Variants in TEX2 observed in about 807,000 individuals in gnomAD.
TEX2 encodes testis expressed 2.
A neutral mutation model predicts 106.9 loss-of-function variants in TEX2; 53 were observed. The observed-to-expected ratio is 0.50, with a 90% CI of 0.40 to 0.62. The LOEUF (loss-of-function observed/expected upper bound fraction) is 0.62. Among genes scored for constraint, TEX2 ranks in the 20% least tolerant of loss-of-function variants. TEX2 has a pLI of 0.00. For missense variants in TEX2, 1,207 were observed against 1,379.0 expected (o/e 0.88, Z 1.98); for synonymous variants, 523 against 534.8 (o/e 0.98, Z 0.30).
intron 5 of TEX2, 91 bp downstream of exon 5, chr17:64,188,077 G>C (rs1263963287): frequency 6.9e-7 from 1 of 1,446,266 alleles, no homozygotes; most frequent in Non-Finnish European, 9.4e-7. Flanking sequence ...TGTTATCCCA[G>C]TGCCCACAAC....
intron 1 of TEX2, among the ~76,000 whole-genome samples, chr17:64,233,620 A>G (rs934979557): frequency 2.0e-5 from 3 of 152,086 alleles, no homozygotes; most frequent in African/African-American, 7.2e-5. Flanking sequence ...AGAAAGAGAC[A>G]ATGGAATCAC....
intron 2 of TEX2, among the ~76,000 whole-genome samples, chr17:64,201,079 C>A (rs537577829): frequency 1.3e-5 from 2 of 152,188 alleles, no homozygotes; most frequent in Non-Finnish European, 2.9e-5. Flanking sequence ...CTACACTGAT[C>A]GTATCCAATT....
At chr17:64,194,780 A>G (rs1030455350) in intron 3 of TEX2, 115 bp downstream of exon 3, 6 of 905,740 alleles carry the variant, frequency 6.6e-6, no homozygotes, top group Non-Finnish European at 1.1e-5. Flanking sequence ...CCCCTAAGGT[A>G]TACTGTTCAA....
intron 6 of TEX2, among the ~76,000 whole-genome samples, chr17:64,173,008 G>A (rs540491917): frequency 6.1e-4 from 93 of 152,252 alleles, no homozygotes; most frequent in Non-Finnish European, 1.0e-3. Context: ...TAATTTTAAT[G>A]TAAGATGTAA....
rs2032162835 is a variant in TEX2 at position 64,188,387 on chromosome 17, G to A, written c.2205C>T (p.Asn735=). 1 of 1,614,218 alleles carries A rather than the reference G, an allele frequency of 6.2e-7. No homozygotes were observed. The highest frequency in any genetic ancestry group is 8.5e-7 in the Non-Finnish European group (1 of 1,180,034). Residue 735 remains asparagine (N), a synonymous_variant, in exon 5 of 12, where the codon AAC becomes AAT. Transcript: ENST00000584379. ...TGTGGGTCAGGTGCCCGGACGGACT[G>A]TTGTGTCTGCTGTGTGCAGGCAAAA... is the stretch of plus-strand genomic sequence containing the variant. The part of the protein sequence containing the change: ...PGLLPAHSRH[N]SPSGHLTHSR...
rs1360482032 is a variant in TEX2 at position 64,171,073 on chromosome 17, C to T, written c.2671+27G>A. 2.5e-6 allele frequency: 4 copies of T among 1,573,954 alleles called. No individual in the cohort carries two copies. In the African/African-American group the frequency reaches 5.4e-5, roughly 21 times the overall value. ...CTGCAGCAAAGGATATATTTTAACA[C>T]TCATAGAATGGTCAGTTAGGAGTTA... On this transcript the variant is annotated intron_variant, in intron 7 of 11. Coordinates refer to ENST00000584379, the MANE Select transcript of TEX2 (RefSeq NM_001288732.2).
chr17:64,239,758 C>G (rs2033845925), intron 1 of TEX2, among the ~76,000 whole-genome samples: 1 of 151,292 alleles, frequency 6.6e-6, no homozygotes, highest in Admixed American at 6.6e-5. Flanking sequence ...CACCTGTAAT[C>G]CCTGCTACTC....
chr17:64,154,765 A>C, intron 9 of TEX2, 77 bp downstream of exon 9: 2 of 1,416,170 alleles, frequency 1.4e-6, no homozygotes, highest in Non-Finnish European at 9.3e-7. Context: ...AGAGGAAGGA[A>C]GGGAAACAAG....
intron 1 of TEX2, among the ~76,000 whole-genome samples, chr17:64,250,529 T>G (rs1265592971): frequency 6.6e-6 from 1 of 152,166 alleles, no homozygotes; most frequent in Non-Finnish European, 1.5e-5. Context: ...TACTGCATGG[T>G]CCACTTGTAA....
chr17:64,156,495 A>C (rs1262672627), intron 8 of TEX2, among the ~76,000 whole-genome samples: 1 of 152,216 alleles, frequency 6.6e-6, no homozygotes, highest in Non-Finnish European at 1.5e-5. Flanking sequence ...GGAAATGCTT[A>C]TGTGTATCCA....
chr17:64,161,727 A>T (rs183427696), intron 7 of TEX2, among the ~76,000 whole-genome samples: 7 of 152,036 alleles, frequency 4.6e-5, no homozygotes, highest in Admixed American at 1.3e-4. Context: ...ACCCTCTTCT[A>T]CTTGAGGATT....
At chr17:64,200,732 G>A (rs2032633147) in intron 2 of TEX2, among the ~76,000 whole-genome samples, 1 of 152,170 alleles carries the variant, frequency 6.6e-6, no homozygotes, top group African/African-American at 2.4e-5. Context: ...GAAGTGAGAG[G>A]CAAGAAGTAG....
chr17:64,235,220 A>T (rs1238917240), intron 1 of TEX2, among the ~76,000 whole-genome samples: 8 of 152,234 alleles, frequency 5.3e-5, no homozygotes, highest in Admixed American at 4.6e-4. Flanking sequence ...ACGAGGAAAA[A>T]GAAAGTGGTT....
intron 1 of TEX2, among the ~76,000 whole-genome samples, chr17:64,240,872 C>T (rs2033874910): frequency 6.6e-6 from 1 of 152,150 alleles, no homozygotes; most frequent in South Asian, 2.1e-4. Flanking sequence ...TACTCTGGGA[C>T]TCTGGAGTAA....
rs1280248302 is a variant in TEX2, at chr17:64,149,001, C to A, written c.3352G>T (p.Asp1118Tyr). ...DPRSTSCLLKDPPVEAADQP is the reference protein window; with the variant it reads ...DPRSTSCLLKYPPVEAADQP Reference sequence around the variant, plus strand: ...TGATCAGCAGCCTCCACAGGTGGGTCTTTCAGGAGGCAGGAAGTAGAGCGA... The same window carrying A: ...TGATCAGCAGCCTCCACAGGTGGGTATTTCAGGAGGCAGGAAGTAGAGCGA... The change falls in exon 12 of 12, where the codon GAC (aspartate) becomes TAC (tyrosine). Residue 1118 changes from aspartate to tyrosine, a missense_variant. Coordinates refer to ENST00000584379, the MANE Select transcript of TEX2 (RefSeq NM_001288732.2). 2.5e-6 allele frequency: 4 copies of A among 1,614,088 alleles called. No individual in the cohort carries two copies. In the African/African-American group the frequency reaches 4.0e-5, roughly 16 times the overall value.
At chr17:64,156,105 T>C (rs1055584174) in intron 8 of TEX2, 1 of 152,306 alleles carries the variant, frequency 6.6e-6, no homozygotes, top group African/African-American at 2.4e-5. Context: ...GATGCTGTCC[T>C]TGGGCCACCA....
At chr17:64,179,304 A>G (rs2031741491) in intron 5 of TEX2, among the ~76,000 whole-genome samples, 1 of 152,248 alleles carries the variant, frequency 6.6e-6, no homozygotes, top group South Asian at 2.1e-4. Context: ...TGCACCAATC[A>G]GCAGGATCCT....
At chr17:64,216,744 C>T (rs1202586815) in intron 1 of TEX2, among the ~76,000 whole-genome samples, 1 of 152,206 alleles carries the variant, frequency 6.6e-6, no homozygotes, top group Non-Finnish European at 1.5e-5. Flanking sequence ...AGTTATTTTT[C>T]GTGTGGAGGT....
chr17:64,220,589 A>AC (rs72528051), intron 1 of TEX2, among the ~76,000 whole-genome samples: 1 of 54,070 alleles, frequency 1.8e-5, no homozygotes, highest in Non-Finnish European at 4.5e-5. Context: ...GCAGCAAAAA[A>AC]AATATGAAAA....
Sources: gnomAD v4.1 joint callset for allele counts (sites outside exome capture counted in the v4.1 genomes callset) on GRCh38, gnomAD v4.1.1 for gene constraint, MANE v1.5 for transcripts, NCBI Gene and HGNC (gene_info 2026-07-23, HGNC 2026-07-21) for gene names.